Variants in CCDC73 observed in about 807,000 individuals in gnomAD.
The protein encoded by CCDC73 is coiled-coil domain containing 73, also known as coiled-coil domain-containing protein 73.
A neutral mutation model predicts 116.5 loss-of-function variants in CCDC73; 95 were observed. The ratio of observed to expected loss-of-function variants is 0.82; its 90% CI spans 0.69 to 0.97. The LOEUF (loss-of-function observed/expected upper bound fraction) is 0.97. CCDC73 is among the 50% of genes least tolerant of loss of function. The pLI, the probability that CCDC73 is intolerant of heterozygous loss-of-function variation, is 0.00. For missense variants in CCDC73, 1,066 were observed against 1,206.8 expected (o/e 0.88, Z 1.73); for synonymous variants, 398 against 401.3 (o/e 0.99, Z 0.10).
At chr11:32,779,723 T>C (rs1590644285) in intron 1 of CCDC73, among the ~76,000 whole-genome samples, 1 of 152,154 alleles carries the variant, frequency 6.6e-6, no homozygotes, top group African/African-American at 2.4e-5. Flanking sequence ...AGAGTAATCT[T>C]TGGAGCTAGA....
chr11:32,803,758 G>A, the CCDC73 span, among the ~76,000 whole-genome samples: 2 of 152,138 alleles, frequency 1.3e-5, no homozygotes, highest in African/African-American at 4.8e-5. Flanking sequence ...ATCTAAAAGT[G>A]CAGTATGTAA....
At chr11:32,755,695 GTATATATATATCTCCATATATATGTGTA>G (rs1850332210) in intron 2 of CCDC73, among the ~76,000 whole-genome samples, 1 of 26,962 alleles carries the variant, frequency 3.7e-5, no homozygotes, top group Non-Finnish European at 6.4e-5. Flanking sequence ...ATATATATGT[GTATATATATATCTCCATATATATGTGTA>G]TATATATATC....
intron 9 of CCDC73, among the ~76,000 whole-genome samples, chr11:32,661,363 C>G (rs1000146504): frequency 6.6e-6 from 1 of 152,048 alleles, no homozygotes; most frequent in Non-Finnish European, 1.5e-5. Flanking sequence ...AGGTTTGTAA[C>G]GTATGCATAC....
At chr11:32,639,564 T>G (rs1855714110) in intron 13 of CCDC73, among the ~76,000 whole-genome samples, 1 of 152,064 alleles carries the variant, frequency 6.6e-6, no homozygotes, top group South Asian at 2.1e-4. Context: ...ATTCTCTGCC[T>G]CAGCCTCCCA....
intron 2 of CCDC73, among the ~76,000 whole-genome samples, chr11:32,748,667 T>C (rs1337071508): frequency 1.3e-5 from 2 of 152,226 alleles, no homozygotes; most frequent in African/African-American, 4.8e-5. Flanking sequence ...CTTCAGATGA[T>C]TTCTTATCAC....
chr11:32,783,799 T>A (rs1344705131), intron 1 of CCDC73, among the ~76,000 whole-genome samples: 1 of 152,086 alleles, frequency 6.6e-6, no homozygotes, highest in African/African-American at 2.4e-5. Flanking sequence ...ATTTATTCTA[T>A]AGCAATCTTG....
intron 1 of CCDC73, among the ~76,000 whole-genome samples, chr11:32,774,216 T>C (rs1483643523): frequency 6.6e-6 from 1 of 151,778 alleles, no homozygotes; most frequent in African/African-American, 2.4e-5. Flanking sequence ...AAGTACTCTA[T>C]AGATATATTT....
intron 14 of CCDC73, among the ~76,000 whole-genome samples, chr11:32,627,568 C>T (rs1051765094): frequency 6.6e-6 from 1 of 152,158 alleles, no homozygotes; most frequent in African/African-American, 2.4e-5. Context: ...TTGGAACCAA[C>T]CCAAATGTCC....
chr11:32,755,669 G>GTATA (rs1468967418), intron 2 of CCDC73, among the ~76,000 whole-genome samples: 1 of 58,432 alleles, frequency 1.7e-5, no homozygotes, highest in African/African-American at 7.0e-5. Context: ...ATATATATGT[G>GTATA]TATATATATA....
intron 2 of CCDC73, chr11:32,758,231 C>A: frequency 3.5e-6 from 1 of 281,740 alleles, no homozygotes; most frequent in East Asian, 8.1e-5. Flanking sequence ...AAAACATTTT[C>A]CTCTTCATCC....
intron 7 of CCDC73, 37 bp from the exon 8 acceptor site, chr11:32,676,058 A>T (rs1470130835): frequency 6.7e-7 from 1 of 1,486,124 alleles, no homozygotes; most frequent in Non-Finnish European, 9.0e-7. Flanking sequence ...TATACATATA[A>T]CACACACACA....
Position 32,603,100 on chromosome 11 carries a change from G to A in CCDC73, c.3031-80C>T. 2.6e-6 allele frequency: 3 copies of A among 1,167,484 alleles called. No homozygotes were observed. The Admixed American group carries it at 7.1e-5, about 28-fold the overall frequency. The allele number at this position is 1,167,484 out of a possible 1,614,324, so 72.3% of individuals were successfully genotyped here. Reference sequence around the variant, plus strand: ...GAGTCTGTAAAGCCTCTGCAGTTATGAGTATGTGGTAAAACCACCATCTCT... The same window carrying A: ...GAGTCTGTAAAGCCTCTGCAGTTATAAGTATGTGGTAAAACCACCATCTCT... On this transcript the variant is annotated intron_variant, in intron 17 of 17. Transcript: ENST00000335185.
intron 1 of CCDC73, among the ~76,000 whole-genome samples, chr11:32,772,150 A>G (rs1241300955): frequency 6.6e-6 from 1 of 152,204 alleles, no homozygotes. Flanking sequence ...ATTAAGTTGG[A>G]GGTGATTTGC....
At chr11:32,662,363 T>C (rs1741882715) in intron 9 of CCDC73, among the ~76,000 whole-genome samples, 1 of 152,216 alleles carries the variant, frequency 6.6e-6, no homozygotes, top group Non-Finnish European at 1.5e-5. Flanking sequence ...CCTGACTTTT[T>C]AATGATCGCC....
At position 32,675,775 on chromosome 11, in the gene CCDC73, C is replaced by T. The variant is rs182756565; in HGVS notation, c.565+111G>A. The T allele has an allele frequency of 1.5e-5, 18 of 1,197,622 alleles. No individual in the cohort carries two copies. The Admixed American group carries it at 4.2e-4, about 28-fold the overall frequency. The allele number at this position is 1,197,622 out of a possible 1,614,324, so 74.2% of individuals were successfully genotyped here. The stretch of plus-strand genomic sequence containing the variant: ...ATTTAATTTAGGTAACAGTTATTAA[C>T]TGCCATTTACTATTATCAGTATTAT... On this transcript the variant is annotated intron_variant, in intron 8 of 17. Transcript: ENST00000335185.
the CCDC73 span, among the ~76,000 whole-genome samples, chr11:32,815,708 A>T: frequency 6.6e-6 from 1 of 152,212 alleles, no homozygotes; most frequent in Non-Finnish European, 1.5e-5. Flanking sequence ...TGTTTGCACC[A>T]GATCTCTACA....
chr11:32,829,908 G>A, the CCDC73 span: 1 of 985,610 alleles, frequency 1.0e-6, no homozygotes, highest in African/African-American at 1.7e-5. Context: ...GTGTCCCCAG[G>A]TAGCCGCCTC....
intron 14 of CCDC73, among the ~76,000 whole-genome samples, chr11:32,622,012 C>T (rs190575026): frequency 2.1e-4 from 32 of 152,260 alleles, no homozygotes; most frequent in African/African-American, 7.7e-4. Flanking sequence ...CAAGAAACAA[C>T]AGATGATGGT....
intron 3 of CCDC73, among the ~76,000 whole-genome samples, chr11:32,713,674 C>T (rs1849920946): frequency 6.6e-6 from 1 of 152,042 alleles, no homozygotes; most frequent in Non-Finnish European, 1.5e-5. Context: ...TTTCAGGACA[C>T]TTTCAGGACA....
Sources: allele counts gnomAD v4.1 joint callset (sites outside exome capture counted in the v4.1 genomes callset), GRCh38; gene constraint gnomAD v4.1.1; transcripts MANE v1.5; gene names NCBI Gene and HGNC (gene_info 2026-07-23, HGNC 2026-07-21).